Variants in ARHGAP42 observed in about 807,000 individuals in gnomAD.
ARHGAP42 encodes Rho GTPase activating protein 42.
Under a neutral mutation model 125.0 loss-of-function variants are expected in ARHGAP42, and 63 were observed. The ratio of observed to expected loss-of-function variants is 0.50; its 90% CI spans 0.41 to 0.62. The LOEUF (loss-of-function observed/expected upper bound fraction) is 0.62. Ranked by LOEUF, ARHGAP42 falls within the 20% of genes least tolerant of loss-of-function variation. ARHGAP42 has a pLI of 0.00. For missense variants in ARHGAP42, 766 were observed against 1,024.2 expected, an observed-to-expected ratio of 0.75 and a Z score of 3.44; for synonymous variants, 339 against 351.0, an observed-to-expected ratio of 0.97 and a Z score of 0.38.
chr11:100,774,819 C>T (rs932760817), intron 2 of ARHGAP42, among the ~76,000 whole-genome samples: 1 of 152,152 alleles, frequency 6.6e-6, no homozygotes, highest in African/African-American at 2.4e-5. Context: ...ACATCTGTCC[C>T]AACGCTTCAC....
intron 3 of ARHGAP42, among the ~76,000 whole-genome samples, chr11:100,843,270 A>C (rs917943058): frequency 1.3e-5 from 2 of 152,132 alleles, no homozygotes; most frequent in African/African-American, 2.4e-5. Flanking sequence ...AATCAGGAAA[A>C]GTTAGATACC....
rs894059550 is a variant in ARHGAP42 at position 100,725,767 on chromosome 11, C to A, written c.154+37935C>A. On this transcript the variant is annotated intron_variant, in intron 1 of 23. Coordinates refer to ENST00000298815, the MANE Select transcript of ARHGAP42 (RefSeq NM_152432.4). Reference sequence around the variant, plus strand: ...CCTGGCTAACACAGTGAAACCCCCTCTGTAAAAATACCAAAAAATTAGCCG... The same window carrying A: ...CCTGGCTAACACAGTGAAACCCCCTATGTAAAAATACCAAAAAATTAGCCG... Among the ~76,000 whole-genome samples the A allele has an allele frequency of 2.6e-5, 4 of 151,854 alleles. No homozygotes were observed. In the East Asian group the frequency reaches 5.9e-4, roughly 22 times the overall value.
chr11:100,903,794 A>G (rs764248534), intron 4 of ARHGAP42, among the ~76,000 whole-genome samples: 2 of 141,642 alleles, frequency 1.4e-5, no homozygotes, highest in African/African-American at 5.2e-5. Context: ...AACTTACACG[A>G]TCACAAGGTC....
intron 4 of ARHGAP42, among the ~76,000 whole-genome samples, chr11:100,863,503 T>C (rs1440118376): frequency 6.6e-6 from 1 of 152,190 alleles, no homozygotes; most frequent in Non-Finnish European, 1.5e-5. Flanking sequence ...TTGTAGTGTA[T>C]TCTATGGCAC....
chr11:100,910,816 G>A (rs904603514), intron 4 of ARHGAP42, among the ~76,000 whole-genome samples: 1 of 151,898 alleles, frequency 6.6e-6, no homozygotes, highest in Non-Finnish European at 1.5e-5. Context: ...TAAACTGAGT[G>A]TGCTTTTGTT....
At chr11:100,708,027 C>T (rs1195161079) in intron 1 of ARHGAP42, among the ~76,000 whole-genome samples, 1 of 152,224 alleles carries the variant, frequency 6.6e-6, no homozygotes, top group African/African-American at 2.4e-5. Context: ...ACCTACTACA[C>T]TTCAGGCACT....
chr11:100,779,445 C>CAAAAAA (rs869248095), intron 2 of ARHGAP42, among the ~76,000 whole-genome samples: 3 of 54,456 alleles, frequency 5.5e-5, no homozygotes, highest in African/African-American at 1.4e-4. Context: ...GACTGCGTCT[C>CAAAAAA]AAAAAAAAAA....
intron 6 of ARHGAP42, among the ~76,000 whole-genome samples, chr11:100,928,082 C>T (rs1867476389): frequency 6.6e-6 from 1 of 152,140 alleles, no homozygotes; most frequent in Non-Finnish European, 1.5e-5. Flanking sequence ...ATGTTTATCT[C>T]TAAGTTTCCT....
intron 1 of ARHGAP42, among the ~76,000 whole-genome samples, chr11:100,745,110 G>A (rs927956104): frequency 1.3e-5 from 2 of 152,176 alleles, no homozygotes; most frequent in African/African-American, 4.8e-5. Flanking sequence ...GAATGAGTCA[G>A]GGTGGAGCAG....
intron 3 of ARHGAP42, among the ~76,000 whole-genome samples, chr11:100,857,029 A>G (rs1036065872): frequency 3.9e-5 from 6 of 152,042 alleles, no homozygotes; most frequent in Non-Finnish European, 1.5e-5. Flanking sequence ...TTCATTACCC[A>G]TAAAATATTG....
chr11:100,743,833 G>T (rs1862237850), intron 1 of ARHGAP42, among the ~76,000 whole-genome samples: 1 of 152,166 alleles, frequency 6.6e-6, no homozygotes, highest in African/African-American at 2.4e-5. Context: ...TTCAGGAGAA[G>T]ATGAAATTCT....
chr11:100,888,030 C>G (rs867831356), intron 4 of ARHGAP42, among the ~76,000 whole-genome samples: 1 of 152,182 alleles, frequency 6.6e-6, no homozygotes, highest in African/African-American at 2.4e-5. Flanking sequence ...GTTACCTGCT[C>G]AAGCCCTGTA....
intron 2 of ARHGAP42, among the ~76,000 whole-genome samples, chr11:100,771,406 T>C (rs1862974577): frequency 6.6e-6 from 1 of 152,200 alleles, no homozygotes; most frequent in African/African-American, 2.4e-5. Context: ...ATTTTCCAGC[T>C]TATAGATGTG....
At chr11:100,981,001 G>A (rs1048854558) in intron 22 of ARHGAP42, among the ~76,000 whole-genome samples, 7 of 152,180 alleles carry the variant, frequency 4.6e-5, no homozygotes, top group African/African-American at 1.7e-4. Context: ...CAACACTTGT[G>A]ATTTGTGTGA....
At chr11:100,984,783 A>G (rs1359660848) in intron 22 of ARHGAP42, among the ~76,000 whole-genome samples, 1 of 152,102 alleles carries the variant, frequency 6.6e-6, no homozygotes, top group Non-Finnish European at 1.5e-5. Context: ...TCAAAGAGAG[A>G]TTAGAATCTT....
chr11:100,887,070 T>C (rs1866108687), intron 4 of ARHGAP42, among the ~76,000 whole-genome samples: 1 of 152,170 alleles, frequency 6.6e-6, no homozygotes, highest in South Asian at 2.1e-4. Context: ...ACAGTAAATA[T>C]TGGTAAGATT....
At chr11:100,888,236 T>TA (rs11455622) in intron 4 of ARHGAP42, among the ~76,000 whole-genome samples, 51,183 of 147,838 alleles carry the variant, frequency 0.35, 10,495 homozygotes, top group East Asian at 0.99. Context: ...CCTTTCCTTT[T>TA]AAAAAAAAAA....
Position 100,933,269 on chromosome 11 carries a change from A to G in ARHGAP42, c.702+9A>G. ...AGTTCAACTTGCAGAATGTAAGAGTATACCTGTTCTTACTGTCTCTCAGCA... is the reference window on the plus strand; with the variant it reads ...AGTTCAACTTGCAGAATGTAAGAGTGTACCTGTTCTTACTGTCTCTCAGCA... On this transcript the variant is annotated intron_variant, in intron 7 of 23. Coordinates refer to ENST00000298815, the MANE Select transcript of ARHGAP42 (RefSeq NM_152432.4). 1 of 1,524,622 alleles carries G rather than the reference A, an allele frequency of 6.6e-7. No individual in the cohort carries two copies. The highest frequency in any genetic ancestry group is 8.9e-7 in the Non-Finnish European group (1 of 1,128,250). 94.4% of individuals were successfully genotyped at this position (1,524,622 alleles called of 1,614,324 possible).
At chr11:100,830,925 T>C (rs1864649560) in intron 3 of ARHGAP42, among the ~76,000 whole-genome samples, 1 of 152,106 alleles carries the variant, frequency 6.6e-6, no homozygotes. Flanking sequence ...ATAATTTTTC[T>C]TCCCTTCTTA....
Sources: gnomAD v4.1 joint callset for allele counts (sites outside exome capture counted in the v4.1 genomes callset) on GRCh38, gnomAD v4.1.1 for gene constraint, MANE v1.5 for transcripts, NCBI Gene and HGNC (gene_info 2026-07-23, HGNC 2026-07-21) for gene names.